The following ZBTB8B variants were observed in gnomAD, a reference collection of about 807,000 sequenced individuals.
ZBTB8B encodes the protein zinc finger and BTB domain-containing protein 8B.
Under a neutral mutation model 30.3 loss-of-function variants are expected in ZBTB8B, and 17 were observed. That is an observed-to-expected ratio of 0.56 (90% confidence interval 0.38 to 0.84). The LOEUF (loss-of-function observed/expected upper bound fraction) is 0.84, where lower values mean the gene tolerates loss of function less well. ZBTB8B is among the 40% of genes least tolerant of loss of function. The probability of loss-of-function intolerance (pLI) is 0.00; values close to 1 mark genes in which losing one functional copy is unlikely to be tolerated. For missense variants in ZBTB8B, 515 were observed against 644.9 expected, an observed-to-expected ratio of 0.80 and a Z score of 2.18; for synonymous variants, 248 against 255.6, an observed-to-expected ratio of 0.97 and a Z score of 0.28.
chr1:32,481,530 C>G (rs1643704538), intron 3 of ZBTB8B, among the ~76,000 whole-genome samples: 1 of 152,152 alleles, frequency 6.6e-6, no homozygotes, highest in Non-Finnish European at 1.5e-5. Context: ...CAAGGAGACC[C>G]TCCCCTCTAA....
rs1207935661 is a variant in ZBTB8B at position 32,481,070 on chromosome 1, G to T, written c.1170+1G>T. ...GCACCTGCGGAGCCACGCACTGAGTGTAAGTGTTCGAGCTGGCCATGCCCT... is the reference window on the plus strand; with the variant it reads ...GCACCTGCGGAGCCACGCACTGAGTTTAAGTGTTCGAGCTGGCCATGCCCT... On this transcript the variant is annotated splice_donor_variant, in intron 3 of 3. Transcript: ENST00000609129. LOFTEE classifies it high-confidence loss of function. 1.3e-6 allele frequency: 2 copies of T among 1,548,584 alleles called. No individual in the cohort carries two copies. The highest frequency in any genetic ancestry group is 1.7e-6 in the Non-Finnish European group (2 of 1,144,930).
intron 3 of ZBTB8B, among the ~76,000 whole-genome samples, chr1:32,482,992 C>T (rs1210804927): frequency 6.6e-6 from 1 of 151,860 alleles, no homozygotes; most frequent in Admixed American, 6.6e-5. Context: ...CAGCCTCTCC[C>T]CGTCTCTGCC....
intron 2 of ZBTB8B, among the ~76,000 whole-genome samples, chr1:32,476,679 C>T (rs1643666955): frequency 6.6e-6 from 1 of 151,832 alleles, no homozygotes; most frequent in Non-Finnish European, 1.5e-5. Context: ...GTCCCAGCTA[C>T]TCGGGAGACT....
intron 3 of ZBTB8B, among the ~76,000 whole-genome samples, chr1:32,482,930 T>C (rs1014816242): frequency 6.6e-6 from 1 of 151,914 alleles, no homozygotes; most frequent in Non-Finnish European, 1.5e-5. Context: ...CAAAGTGAGA[T>C]GCCACTTCCC....
At chr1:32,469,229 C>G (rs1268056059) in intron 1 of ZBTB8B, among the ~76,000 whole-genome samples, 1 of 147,446 alleles carries the variant, frequency 6.8e-6, no homozygotes, top group Non-Finnish European at 1.5e-5. Flanking sequence ...GATTGATACA[C>G]TAAACACTCA....
intron 3 of ZBTB8B, among the ~76,000 whole-genome samples, chr1:32,482,721 A>G (rs1393064083): frequency 6.6e-6 from 1 of 151,826 alleles, no homozygotes; most frequent in Non-Finnish European, 1.5e-5. Context: ...AATGGGAGAA[A>G]ATATTTGCAA....
intron 3 of ZBTB8B, among the ~76,000 whole-genome samples, chr1:32,481,764 C>G (rs1207884684): frequency 1.3e-5 from 2 of 152,126 alleles, no homozygotes; most frequent in African/African-American, 4.8e-5. Flanking sequence ...CTCCCACCTC[C>G]CACCCTCCGG....
intron 2 of ZBTB8B, among the ~76,000 whole-genome samples, chr1:32,477,098 C>G (rs1643670792): frequency 6.6e-6 from 1 of 152,202 alleles, no homozygotes; most frequent in Admixed American, 6.5e-5. Context: ...CTTTCTCTGT[C>G]TTGAAGTCCT....
chr1:32,469,263 T>TTTTTTTTTTTTG (rs1643597991), intron 1 of ZBTB8B, among the ~76,000 whole-genome samples: 1 of 150,036 alleles, frequency 6.7e-6, no homozygotes, highest in African/African-American at 2.5e-5. Flanking sequence ...TTTTTTTTTT[T>TTTTTTTTTTTTG]GAGACAGAAT....
chr1:32,469,648 T>G (rs997595125), intron 1 of ZBTB8B, among the ~76,000 whole-genome samples: 3 of 152,194 alleles, frequency 2.0e-5, no homozygotes, highest in African/African-American at 7.2e-5. Context: ...TGGAGGCCAA[T>G]AGACCTGATT....
At position 32,481,156 on chromosome 1, in the gene ZBTB8B, TTC is replaced by T. The variant is rs1643702123; in HGVS notation, c.1170+91_1170+92del. The T allele has an allele frequency of 1.7e-5, 22 of 1,296,674 alleles. No homozygotes were observed. In the East Asian group the frequency reaches 5.9e-4, roughly 35 times the overall value. The allele number at this position is 1,296,674 out of a possible 1,614,324, so 80.3% of individuals were successfully genotyped here. On this transcript the variant is annotated intron_variant, in intron 3 of 3. Coordinates refer to ENST00000609129, the MANE Select transcript of ZBTB8B (RefSeq NM_001145720.2). ...AGGGTGAAGCCAGCCTGTCTTTCAT[TTC>T]TCTGTCTACTGGGGTATTTTCAGAT...
At chr1:32,476,776 G>A (rs1643667593) in intron 2 of ZBTB8B, among the ~76,000 whole-genome samples, 1 of 148,068 alleles carries the variant, frequency 6.8e-6, no homozygotes, top group African/African-American at 2.5e-5. Context: ...GCAACAGAGC[G>A]AGACTCTGTC....
intron 3 of ZBTB8B, among the ~76,000 whole-genome samples, chr1:32,483,196 T>G (rs1023416693): frequency 2.9e-5 from 4 of 138,546 alleles, no homozygotes; most frequent in African/African-American, 1.1e-4. Flanking sequence ...GTCAGGAGTT[T>G]GAGGTCAGCC....
rs1643781340 is a variant in ZBTB8B, at chr1:32,491,798, A to G, written c.*6380A>G. On this transcript the variant is annotated 3_prime_UTR_variant, in exon 4 of 4. Transcript: ENST00000609129. ...ATTGGGCATCATGTCTACCATATGT[A>G]ACATTGCCTAGCAGTTGACATATGA... 6.6e-6 allele frequency: 1 copy of G among 152,250 alleles called. No individual in the cohort carries two copies. The highest frequency in any genetic ancestry group is 6.5e-5 in the Admixed American group (1 of 15,284). 9.4% of individuals were successfully genotyped at this position (152,250 alleles called of 1,614,324 possible). A position where few individuals can be genotyped will look rare whatever the true frequency, so the allele number is the denominator to read the frequency against.
rs191062254 is a variant in ZBTB8B, at chr1:32,484,663, G to A, written c.1171-438G>A. On this transcript the variant is annotated intron_variant, in intron 3 of 3. Coordinates refer to ENST00000609129, the MANE Select transcript of ZBTB8B (RefSeq NM_001145720.2). The surrounding 1 kb of genome is among the most constrained non-coding windows in gnomAD (Gnocchi z 4.5). The stretch of plus-strand genomic sequence containing the variant: ...TGGGGGCAGTTTCTCATGGTTTAAC[G>A]CCATCCCTACTTGGTGCTGTCATCG... Among the ~76,000 whole-genome samples the A allele has an allele frequency of 9.9e-5, 15 of 152,198 alleles. No individual in the cohort carries two copies. The highest frequency in any genetic ancestry group is 2.2e-4 in the African/African-American group (9 of 41,526).
intron 1 of ZBTB8B, among the ~76,000 whole-genome samples, chr1:32,466,092 T>A (rs1643568586): frequency 1.3e-5 from 2 of 152,234 alleles, no homozygotes; most frequent in Non-Finnish European, 2.9e-5. Context: ...CTTTGTACAG[T>A]GTTTTATAAG....
chr1:32,471,476 C>T lies in ZBTB8B; in HGVS notation c.852C>T (p.Leu284=), dbSNP rs573505655. ...NYHVKQFLEA[L]LRNSAAPSKD... ...ACGTGAAGCAGTTCCTGGAGGCGCTCTTGCGCAACAGCGCTGCCCCGAGCA... is the reference window on the plus strand; with the variant it reads ...ACGTGAAGCAGTTCCTGGAGGCGCTTTTGCGCAACAGCGCTGCCCCGAGCA... Residue 284 remains leucine, a synonymous_variant, in exon 2 of 4, where the codon CTC becomes CTT. Transcript: ENST00000609129. The T allele has an allele frequency of 1.3e-6, 2 of 1,551,822 alleles. No homozygotes were observed. The highest frequency in any genetic ancestry group is 1.2e-5 in the South Asian group (1 of 84,066).
At position 32,473,976 on chromosome 1, in the gene ZBTB8B, G is replaced by A. The variant is rs562683217; in HGVS notation, c.991+2361G>A. On this transcript the variant is annotated intron_variant, in intron 2 of 3. Transcript: ENST00000609129. ...AGCGAGTCTCCTGCCTCAGCCTCCC[G>A]AGTAGCTGGGATTACAGGCACGTGC... 3.9e-5 allele frequency among the ~76,000 whole-genome samples: 6 copies of A among 151,920 alleles called. No individual in the cohort carries two copies. In the East Asian group the frequency reaches 9.7e-4, roughly 25 times the overall value.
intron 3 of ZBTB8B, among the ~76,000 whole-genome samples, chr1:32,482,819 G>T (rs189788614): frequency 1.3e-5 from 2 of 151,868 alleles, no homozygotes; most frequent in East Asian, 3.9e-4. Context: ...TTAAACCTGG[G>T]CAAAGGATTT....
Sources: gnomAD v4.1 joint callset for allele counts (sites outside exome capture counted in the v4.1 genomes callset) on GRCh38, gnomAD v4.1.1 for gene constraint, Gnocchi (gnomAD v3.1) non-coding constraint, MANE v1.5 for transcripts, NCBI Gene and HGNC (gene_info 2026-07-23, HGNC 2026-07-21) for gene names.